REV1: variants seen among roughly 807,000 people sequenced by gnomAD.
The protein encoded by REV1 is translesion synthesis protein REV1.
Under a neutral mutation model 137.4 loss-of-function variants are expected in REV1, and 42 were observed. The observed-to-expected ratio is 0.31, with a 90% CI of 0.24 to 0.40. REV1 has a LOEUF of 0.40. Among genes scored for constraint, REV1 ranks in the 10% least tolerant of loss-of-function variants. The probability of loss-of-function intolerance (pLI) is 1.00; values close to 1 mark genes in which losing one functional copy is unlikely to be tolerated. For missense variants in REV1, 1,282 were observed against 1,490.1 expected (o/e 0.86, Z 2.30); for synonymous variants, 524 against 519.2 (o/e 1.01, Z -0.12).
At chr2:99,466,240 C>T (rs771881505) in intron 1 of REV1, among the ~76,000 whole-genome samples, 20 of 151,400 alleles carry the variant, frequency 1.3e-4, no homozygotes, top group Non-Finnish European at 2.4e-4. Flanking sequence ...CGTAAGCCAC[C>T]GTGCCCGGCC....
At chr2:99,424,414 G>T in intron 9 of REV1, 134 bp from the exon 10 acceptor site, 1 of 948,192 alleles carries the variant, frequency 1.1e-6, no homozygotes. Context: ...AGGGATTAAA[G>T]ATAGGCATTA....
chr2:99,471,429 T>TA (rs5832874), intron 1 of REV1, among the ~76,000 whole-genome samples: 41,942 of 151,986 alleles, frequency 0.28, 5,879 homozygotes, highest in Admixed American at 0.34. Context: ...AAAAAAAACT[T>TA]AAAGTGTACA....
intron 9 of REV1, among the ~76,000 whole-genome samples, chr2:99,428,999 A>C (rs1679768741): frequency 6.6e-6 from 1 of 151,752 alleles, no homozygotes; most frequent in Admixed American, 6.6e-5. Context: ...CTCAAAAAAA[A>C]AAAAAAAAAA....
At chr2:99,435,616 T>A (rs1680643488) in intron 7 of REV1, 1 of 348,568 alleles carries the variant, frequency 2.9e-6, no homozygotes, top group African/African-American at 2.2e-5. Flanking sequence ...GACATATCCT[T>A]CAGCTGAAGA....
rs866475408 is a variant in REV1 at position 99,404,167 on chromosome 2, G to C, written c.3045+277C>G. Among the ~76,000 whole-genome samples the C allele has an allele frequency of 2.6e-5, 4 of 152,254 alleles. No individual in the cohort carries two copies. In the South Asian group the frequency reaches 6.2e-4, roughly 24 times the overall value. On this transcript the variant is annotated intron_variant, in intron 18 of 22. Coordinates refer to ENST00000258428, the MANE Select transcript of REV1 (RefSeq NM_016316.4). The stretch of plus-strand genomic sequence containing the variant: ...TACATCTCCGCTCTGTTGTATTCAA[G>C]TGTGGCCATTGATGTGTTTGCCCCA...
chr2:99,420,203 G>C (rs951870591), intron 11 of REV1, among the ~76,000 whole-genome samples: 1 of 152,186 alleles, frequency 6.6e-6, no homozygotes, highest in East Asian at 1.9e-4. Flanking sequence ...AGGAATGCTG[G>C]GAATGTATTA....
intron 8 of REV1, among the ~76,000 whole-genome samples, chr2:99,433,801 A>C (rs1452056450): frequency 6.6e-6 from 1 of 152,242 alleles, no homozygotes; most frequent in Non-Finnish European, 1.5e-5. Context: ...AAATCTTAAT[A>C]AGTATTATGA....
intron 4 of REV1, among the ~76,000 whole-genome samples, chr2:99,444,457 C>A (rs1316267572): frequency 3.3e-5 from 5 of 152,208 alleles, no homozygotes; most frequent in African/African-American, 9.6e-5. Flanking sequence ...ATGGTCAGCA[C>A]TGATCATATA....
At position 99,425,043 on chromosome 2, in the gene REV1, GA is replaced by G. The variant is rs28382917; in HGVS notation, c.1548-764del. On this transcript the variant is annotated intron_variant, in intron 9 of 22. Transcript: ENST00000258428. ...ATTTTATCACTCTGTAAAGAATCAAGAAAAAAAATTATAGTAAAAACAAGCA... is the reference window on the plus strand; with the variant it reads ...ATTTTATCACTCTGTAAAGAATCAAGAAAAAAATTATAGTAAAAACAAGCA... 1.6e-3 allele frequency: 903 copies of G among 548,490 alleles called. 7 individuals carry two copies. Among genetic ancestry groups the G allele is most frequent in the African/African-American group, 0.016 (789 of 49,358 alleles). 34.0% of individuals were successfully genotyped at this position (548,490 alleles called of 1,614,324 possible). A position where few individuals can be genotyped will look rare whatever the true frequency, so the allele number is the denominator to read the frequency against.
At chr2:99,459,214 A>T (rs1287528038) in intron 3 of REV1, among the ~76,000 whole-genome samples, 3 of 151,862 alleles carry the variant, frequency 2.0e-5, no homozygotes, top group Admixed American at 2.0e-4. Context: ...TCTCAAAAAA[A>T]AAAAAAGAAA....
intron 12 of REV1, 150 bp from the exon 13 acceptor site, chr2:99,413,101 A>C (rs1677402965): frequency 3.1e-6 from 2 of 642,420 alleles, no homozygotes; most frequent in Non-Finnish European, 5.3e-6. Flanking sequence ...CACAGGCTGA[A>C]GAATTTTTTG....
At chr2:99,476,846 T>C (rs1349341667) in intron 1 of REV1, among the ~76,000 whole-genome samples, 2 of 152,202 alleles carry the variant, frequency 1.3e-5, no homozygotes, top group Non-Finnish European at 2.9e-5. Flanking sequence ...GTTGGCACCG[T>C]CCATAACTTC....
In REV1 at chr2:99,439,260, C is replaced by T. The variant is rs1322877990; in HGVS notation, c.554G>A (p.Gly185Asp). The T allele has an allele frequency of 6.2e-7, 1 of 1,613,872 alleles. No individual in the cohort carries two copies. The highest frequency in any genetic ancestry group is 2.2e-5 in the East Asian group (1 of 44,898). Residue 185 changes from glycine (G) to aspartate (D), a missense_variant, in exon 6 of 23, where the codon GGC becomes GAC. Coordinates refer to ENST00000258428, the MANE Select transcript of REV1 (RefSeq NM_016316.4). ...IETENEVKVN[G>D]MNSWNEEDEN... ...ATCTTCTTCATTCCAACTGTTCATGCCATTGACTTTGACTTCATTTTCCGT... is the reference window on the plus strand; with the variant it reads ...ATCTTCTTCATTCCAACTGTTCATGTCATTGACTTTGACTTCATTTTCCGT...
At chr2:99,416,931 AAAG>A (rs1559307480) in intron 12 of REV1, among the ~76,000 whole-genome samples, 1 of 151,116 alleles carries the variant, frequency 6.6e-6, no homozygotes, top group East Asian at 1.9e-4. Flanking sequence ...AAAAAAAAAA[AAAG>A]AAATAAAGTC....
chr2:99,489,318 G>A (rs1023656445), intron 1 of REV1, among the ~76,000 whole-genome samples: 1 of 152,190 alleles, frequency 6.6e-6, no homozygotes, highest in Non-Finnish European at 1.5e-5. Flanking sequence ...AGTGCGGGTG[G>A]GAGCGGCGGC....
chr2:99,475,649 T>C (rs374612753), intron 1 of REV1, among the ~76,000 whole-genome samples: 5 of 152,012 alleles, frequency 3.3e-5, no homozygotes, highest in Non-Finnish European at 7.4e-5. Context: ...ATTGAGCCAC[T>C]GTACTACAGC....
chr2:99,464,110 C>T (rs1357937989), intron 2 of REV1, among the ~76,000 whole-genome samples: 1 of 152,192 alleles, frequency 6.6e-6, no homozygotes, highest in Non-Finnish European at 1.5e-5. Flanking sequence ...GTAATATTAA[C>T]TTTCATTAGA....
rs140363380 is a variant in REV1, at chr2:99,440,434, A to G, written c.504-1124T>C. Among the ~76,000 whole-genome samples, 75 of 152,328 alleles carry G rather than the reference A, an allele frequency of 4.9e-4. 1 individual carries two copies. The highest frequency in any genetic ancestry group is 1.5e-3 in the African/African-American group (64 of 41,582). On this transcript the variant is annotated intron_variant, in intron 5 of 22. Transcript: ENST00000258428. ...CACCCTAATACCAACTTGGTTTATT[A>G]GTAATGAGAGCCTGACTACACAGAA... is the stretch of plus-strand genomic sequence containing the variant.
chr2:99,420,673 TCA>T (rs28382929), intron 11 of REV1, among the ~76,000 whole-genome samples: 2,023 of 152,298 alleles, frequency 0.013, 46 homozygotes, highest in African/African-American at 0.046. Flanking sequence ...GCATCATCAC[TCA>T]GTCATTAGTA....
Sources: allele counts gnomAD v4.1 joint callset (sites outside exome capture counted in the v4.1 genomes callset), GRCh38; gene constraint gnomAD v4.1.1; transcripts MANE v1.5; gene names NCBI Gene and HGNC (gene_info 2026-07-23, HGNC 2026-07-21).